ARSG: variants seen among roughly 807,000 people sequenced by gnomAD.
ARSG encodes arylsulfatase G.
In ARSG, 37 loss-of-function variants were observed where a neutral mutation model predicts 50.5. The ratio of observed to expected loss-of-function variants is 0.73; its 90% CI spans 0.56 to 0.96. The LOEUF is 0.96. Ranked by LOEUF, ARSG falls within the 50% of genes least tolerant of loss-of-function variation. ARSG has a pLI of 0.00. For missense variants in ARSG, 629 were observed against 675.3 expected (o/e 0.93, Z 0.76); for synonymous variants, 225 against 254.6 (o/e 0.88, Z 1.11).
Position 68,356,807 on chromosome 17 carries a change from G to T in ARSG, c.704+3G>T, listed in dbSNP as rs747164260. Reference sequence around the variant, plus strand: ...ACCCAGTTCATCCAGCGTGCAAGGTGAGGAGTCTCCCTCCCTCCGCAGGGC... The same window carrying T: ...ACCCAGTTCATCCAGCGTGCAAGGTTAGGAGTCTCCCTCCCTCCGCAGGGC... On this transcript the variant is annotated splice_donor_region_variant and intron_variant, in intron 6 of 11. Transcript: ENST00000621439. 3 of 1,614,036 alleles carry T rather than the reference G, an allele frequency of 1.9e-6. No individual in the cohort carries two copies. The South Asian group carries it at 3.3e-5, about 18-fold the overall frequency.
At chr17:68,340,190 C>T (rs577726398) in intron 2 of ARSG, among the ~76,000 whole-genome samples, 1 of 152,230 alleles carries the variant, frequency 6.6e-6, no homozygotes, top group East Asian at 1.9e-4. Flanking sequence ...GCATAACATT[C>T]TTTTCTAATG....
chr17:68,294,880 AG>A (rs1236146109), intron 1 of ARSG, among the ~76,000 whole-genome samples: 10 of 152,134 alleles, frequency 6.6e-5, no homozygotes, highest in African/African-American at 2.4e-4. Flanking sequence ...GTAGGAAGGC[AG>A]GGCCCTTCAA....
the ARSG span, chr17:68,444,520 G>A: frequency 1.9e-6 from 3 of 1,613,836 alleles, no homozygotes; most frequent in African/African-American, 2.7e-5. Context: ...ATATCCAGGA[G>A]GGTCTTCAAC....
chr17:68,449,356 G>A, the ARSG span, among the ~76,000 whole-genome samples: 90 of 152,346 alleles, frequency 5.9e-4, no homozygotes, highest in East Asian at 4.4e-3. Context: ...TTGGCCAAGC[G>A]TGGTGGCTCA....
At chr17:68,397,806 G>A (rs1568574826) in intron 10 of ARSG, among the ~76,000 whole-genome samples, 1 of 151,700 alleles carries the variant, frequency 6.6e-6, no homozygotes, top group Non-Finnish European at 1.5e-5. Context: ...TCACTCTGTC[G>A]CCCAGGCTGG....
At chr17:68,391,806 A>G (rs1394190060) in intron 9 of ARSG, among the ~76,000 whole-genome samples, 1 of 152,168 alleles carries the variant, frequency 6.6e-6, no homozygotes, top group East Asian at 1.9e-4. Flanking sequence ...ACTTTGCATC[A>G]GAGTGGGGTG....
chr17:68,290,280 A>G (rs940643339), upstream of ARSG, among the ~76,000 whole-genome samples: 1 of 152,200 alleles, frequency 6.6e-6, no homozygotes, highest in African/African-American at 2.4e-5. Context: ...GACATTTTAT[A>G]TACGCCACCT....
intron 8 of ARSG, among the ~76,000 whole-genome samples, chr17:68,377,753 G>A (rs1231209906): frequency 6.6e-6 from 1 of 152,230 alleles, no homozygotes; most frequent in Non-Finnish European, 1.5e-5. Flanking sequence ...ATCGCATACA[G>A]ATAACTTTAA....
At chr17:68,421,598 G>A, downstream of ARSG, 2 of 791,256 alleles carry the variant, frequency 2.5e-6, no homozygotes, top group Admixed American at 2.2e-5. Context: ...TGGCAACCAG[G>A]GTCGTGGGAA....
In ARSG at chr17:68,376,274, T is replaced by G. The variant is rs1599950038; in HGVS notation, c.982+5750T>G. ...TACAGGAGTGTGCCACTGCGCCCCC[T>G]GCATTTTTTTTTTTTTTTCTGAGAT... On this transcript the variant is annotated intron_variant, in intron 8 of 11. Transcript: ENST00000621439. 2.5e-5 allele frequency among the ~76,000 whole-genome samples: 3 copies of G among 119,850 alleles called. 1 individual carries two copies. Among genetic ancestry groups the G allele is most frequent in the Admixed American group, 8.6e-5 (1 of 11,604 alleles). The allele number at this position is 119,850 out of a possible 152,430, so 78.6% of individuals were successfully genotyped here. A position where few individuals can be genotyped will look rare whatever the true frequency, so the allele number is the denominator to read the frequency against.
upstream of ARSG, among the ~76,000 whole-genome samples, chr17:68,289,411 A>G (rs1568421839): frequency 6.6e-6 from 1 of 152,168 alleles, no homozygotes; most frequent in Non-Finnish European, 1.5e-5. Context: ...AAAAAATTGT[A>G]TTATTGTAGA....
Position 68,406,676 on chromosome 17 carries a change from T to G in ARSG, c.1303+5226T>G, listed in dbSNP as rs148693663. ...TCATGTTTGTTGGCCATTTGTATACTTTTGAGGCTTGTCTATTCATGTGCT... is the reference window on the plus strand; with the variant it reads ...TCATGTTTGTTGGCCATTTGTATACGTTTGAGGCTTGTCTATTCATGTGCT... On this transcript the variant is annotated intron_variant, in intron 11 of 11. Transcript: ENST00000621439. Among the ~76,000 whole-genome samples the G allele has an allele frequency of 6.2e-4, 95 of 152,334 alleles. No individual in the cohort carries two copies. The East Asian group carries it at 0.016, about 26-fold the overall frequency.
intron 2 of ARSG, among the ~76,000 whole-genome samples, chr17:68,314,571 G>C (rs1334493309): frequency 6.6e-6 from 1 of 151,344 alleles, no homozygotes. Context: ...ACCAGGTGTG[G>C]TGTTGCACAT....
At chr17:68,379,421 ATTTTTTTTTTTTTTT>A (rs375841879) in intron 8 of ARSG, among the ~76,000 whole-genome samples, 6 of 72,248 alleles carry the variant, frequency 8.3e-5, no homozygotes, top group South Asian at 6.6e-4. Flanking sequence ...GAACACTACA[ATTTTTTTTTTTTTTT>A]TTTTTTTTTT....
intron 2 of ARSG, among the ~76,000 whole-genome samples, chr17:68,316,388 T>A (rs2077071794): frequency 6.6e-6 from 1 of 152,264 alleles, no homozygotes; most frequent in Non-Finnish European, 1.5e-5. Context: ...TCTCTCCCAC[T>A]GGAATATTGC....
intron 2 of ARSG, among the ~76,000 whole-genome samples, chr17:68,323,348 C>G (rs2077370677): frequency 6.6e-6 from 1 of 152,016 alleles, no homozygotes; most frequent in South Asian, 2.1e-4. Flanking sequence ...CTCAAATTAA[C>G]TTGACTTTAC....
intron 5 of ARSG, among the ~76,000 whole-genome samples, chr17:68,354,624 C>T (rs2078952987): frequency 6.6e-6 from 1 of 152,036 alleles, no homozygotes; most frequent in African/African-American, 2.4e-5. Flanking sequence ...TTTGGGATGC[C>T]TGTAATCCCA....
chr17:68,375,494 C>T (rs1254617207), intron 8 of ARSG, among the ~76,000 whole-genome samples: 1 of 152,216 alleles, frequency 6.6e-6, no homozygotes, highest in Non-Finnish European at 1.5e-5. Flanking sequence ...TGAGAACTAC[C>T]TGTCTAGAGC....
intron 11 of ARSG, among the ~76,000 whole-genome samples, chr17:68,416,570 T>C (rs2082377534): frequency 6.6e-6 from 1 of 152,300 alleles, no homozygotes; most frequent in Middle Eastern, 3.4e-3. Flanking sequence ...TTTTCCAAAC[T>C]TTTAGATTTC....
Sources: allele counts gnomAD v4.1 joint callset (sites outside exome capture counted in the v4.1 genomes callset), GRCh38; gene constraint gnomAD v4.1.1; transcripts MANE v1.5; gene names NCBI Gene and HGNC (gene_info 2026-07-23, HGNC 2026-07-21).